FGGY: variants seen among roughly 807,000 people sequenced by gnomAD.
The protein encoded by FGGY is FGGY carbohydrate kinase domain containing.
Under a neutral mutation model 71.3 loss-of-function variants are expected in FGGY, and 72 were observed. The ratio of observed to expected loss-of-function variants is 1.01; its 90% confidence interval spans 0.84 to 1.23. The LOEUF (loss-of-function observed/expected upper bound fraction) is 1.23, where lower values mean the gene tolerates loss of function less well. Ranked by LOEUF, FGGY falls within the 50% of genes most tolerant of loss-of-function variation. The pLI is 0.00. For missense variants in FGGY, 668 were observed against 682.3 expected (o/e 0.98, Z 0.23); for synonymous variants, 251 against 250.3 (o/e 1.00, Z -0.02).
intron 14 of FGGY, among the ~76,000 whole-genome samples, chr1:59,751,850 T>C (rs1304902170): frequency 6.6e-6 from 1 of 152,218 alleles, no homozygotes; most frequent in Non-Finnish European, 1.5e-5. Context: ...GCAAATCCAT[T>C]GACTGAATCT....
intron 8 of FGGY, among the ~76,000 whole-genome samples, chr1:59,604,840 A>G (rs2096608421): frequency 1.3e-5 from 2 of 152,142 alleles, no homozygotes; most frequent in African/African-American, 4.8e-5. Flanking sequence ...CTTTGGCTCT[A>G]CCTGTGCAAA....
chr1:59,611,958 A>T (rs562774844), intron 9 of FGGY, among the ~76,000 whole-genome samples: 2 of 152,320 alleles, frequency 1.3e-5, no homozygotes, highest in East Asian at 3.9e-4. Flanking sequence ...AAAAAAGAAT[A>T]AAAAGAGACG....
chr1:59,738,685 G>A (rs193298704), intron 14 of FGGY, among the ~76,000 whole-genome samples: 19 of 152,328 alleles, frequency 1.2e-4, no homozygotes, highest in African/African-American at 4.1e-4. Context: ...TAGGACCAGA[G>A]AGCAACAGGA....
At chr1:59,475,827 T>C (rs1265851182) in intron 6 of FGGY, among the ~76,000 whole-genome samples, 2 of 152,232 alleles carry the variant, frequency 1.3e-5, no homozygotes, top group Non-Finnish European at 2.9e-5. Flanking sequence ...TCCTTCCCTC[T>C]GATAATCCAT....
At chr1:59,649,065 T>G (rs1312115297) in intron 11 of FGGY, among the ~76,000 whole-genome samples, 1 of 151,920 alleles carries the variant, frequency 6.6e-6, no homozygotes, top group African/African-American at 2.4e-5. Context: ...GTTTTAGGTA[T>G]GCGGCATTAT....
At chr1:59,699,381 A>C in intron 14 of FGGY, 1 of 985,400 alleles carries the variant, frequency 1.0e-6, no homozygotes, top group Non-Finnish European at 1.2e-6. Context: ...TATTAAATGT[A>C]CTTTTTCTTT....
At chr1:59,741,938 C>CAA (rs11347068) in intron 14 of FGGY, among the ~76,000 whole-genome samples, 8 of 85,192 alleles carry the variant, frequency 9.4e-5, no homozygotes, top group East Asian at 3.4e-4. Flanking sequence ...GACTCCATCT[C>CAA]AAAAAAAAAA....
chr1:59,588,359 A>G (rs374005141), intron 8 of FGGY, among the ~76,000 whole-genome samples: 2 of 152,056 alleles, frequency 1.3e-5, no homozygotes, highest in Admixed American at 1.3e-4. Flanking sequence ...AACCAAGTTG[A>G]AAAACACTCT....
At chr1:59,629,805 A>T (rs2153861945) in intron 10 of FGGY, among the ~76,000 whole-genome samples, 1 of 152,332 alleles carries the variant, frequency 6.6e-6, no homozygotes, top group South Asian at 2.1e-4. Flanking sequence ...ATTATAACAT[A>T]GGATAGTAAT....
chr1:59,372,568 T>C (rs188973106), intron 4 of FGGY, among the ~76,000 whole-genome samples: 4,332 of 152,052 alleles, frequency 0.028, 231 homozygotes, highest in African/African-American at 0.099. Context: ...ATGAGGCCAG[T>C]ATCATCCTGA....
intron 14 of FGGY, among the ~76,000 whole-genome samples, chr1:59,738,472 C>T (rs11581415): frequency 0.26 from 39,548 of 152,066 alleles, 5,943 homozygotes; most frequent in East Asian, 0.34. Flanking sequence ...GGAAAAAAAC[C>T]ATGATCCAAA....
chr1:59,497,566 C>G (rs989644041), intron 6 of FGGY, among the ~76,000 whole-genome samples: 12 of 152,114 alleles, frequency 7.9e-5, no homozygotes, highest in Non-Finnish European at 1.5e-4. Flanking sequence ...CCAGCCTGGG[C>G]GACAGAGCCA....
At chr1:59,667,803 A>G (rs2097338866) in intron 13 of FGGY, among the ~76,000 whole-genome samples, 1 of 152,200 alleles carries the variant, frequency 6.6e-6, no homozygotes, top group Non-Finnish European at 1.5e-5. Context: ...TGAGGAAGGG[A>G]GACAGCAAAC....
At chr1:59,312,082 C>T (rs2044445124) in intron 1 of FGGY, among the ~76,000 whole-genome samples, 1 of 152,154 alleles carries the variant, frequency 6.6e-6, no homozygotes, top group Admixed American at 6.5e-5. Context: ...ATCCTTTGCC[C>T]ACTTTTTGAT....
At chr1:59,537,336 G>T (rs900579179) in intron 7 of FGGY, among the ~76,000 whole-genome samples, 23 of 152,118 alleles carry the variant, frequency 1.5e-4, no homozygotes, top group African/African-American at 3.9e-4. Context: ...CACTGCTCAA[G>T]GAAATAAAAG....
intron 14 of FGGY, among the ~76,000 whole-genome samples, chr1:59,719,949 G>A (rs551670289): frequency 1.2e-4 from 19 of 152,136 alleles, no homozygotes; most frequent in Non-Finnish European, 2.4e-4. Context: ...TTGAGAGATC[G>A]ACAATTTACT....
chr1:59,451,343 G>C (rs2072650997), intron 5 of FGGY, among the ~76,000 whole-genome samples: 1 of 148,730 alleles, frequency 6.7e-6, no homozygotes, highest in South Asian at 2.1e-4. Context: ...TTTATTTTCA[G>C]TTCCAGACTG....
intron 8 of FGGY, among the ~76,000 whole-genome samples, chr1:59,586,691 G>C (rs1285310616): frequency 4.6e-5 from 7 of 152,114 alleles, no homozygotes; most frequent in Non-Finnish European, 1.0e-4. Flanking sequence ...AAATGAGCAG[G>C]CTTGGGCAAT....
At chr1:59,401,876 G>A (rs752523054) in intron 5 of FGGY, among the ~76,000 whole-genome samples, 2 of 152,230 alleles carry the variant, frequency 1.3e-5, no homozygotes, top group African/African-American at 2.4e-5. Flanking sequence ...ATTATGGAGA[G>A]GAGGAGGAAG....
Sources: gnomAD v4.1 joint callset for allele counts (sites outside exome capture counted in the v4.1 genomes callset) on GRCh38, gnomAD v4.1.1 for gene constraint, MANE v1.5 for transcripts, NCBI Gene and HGNC (gene_info 2026-07-23, HGNC 2026-07-21) for gene names.